GALK1: variants seen among roughly 807,000 people sequenced by gnomAD.
GALK1 encodes galactokinase 1.
A neutral mutation model predicts 38.6 loss-of-function variants in GALK1; 30 were observed. That is an observed-to-expected ratio of 0.78 (90% confidence interval 0.58 to 1.05). The LOEUF (loss-of-function observed/expected upper bound fraction) is 1.05. GALK1 is among the 50% of genes least tolerant of loss of function. The pLI is 0.00. For synonymous variants in GALK1, 240 were observed against 233.6 expected (o/e 1.03, Z -0.25); for missense variants, 512 against 540.5 (o/e 0.95, Z 0.52).
rs200350673 is a variant in GALK1, at chr17:75,762,986, G to A, written c.611+28C>T. On this transcript the variant is annotated intron_variant, in intron 4 of 7. Transcript: ENST00000588479. ...ACCCAGGAGCTGCTGAGTGCAGGGCGGGAGGGGACGAGGGGAGCGAGCCCA... is the reference window on the plus strand; with the variant it reads ...ACCCAGGAGCTGCTGAGTGCAGGGCAGGAGGGGACGAGGGGAGCGAGCCCA... 414 of 1,612,210 alleles carry A rather than the reference G, an allele frequency of 2.6e-4. 1 individual carries two copies. Among genetic ancestry groups the A allele is most frequent in the Middle Eastern group, 1.2e-3 (7 of 6,062 alleles).
At chr17:75,761,974 C>T (rs970382913) in intron 5 of GALK1, among the ~76,000 whole-genome samples, 2 of 151,912 alleles carry the variant, frequency 1.3e-5, no homozygotes, top group African/African-American at 2.4e-5. Context: ...GAGCTGAGAT[C>T]GCACCATTGC....
At chr17:75,758,739 C>T in intron 5 of GALK1, 140 bp from the exon 6 acceptor site, 1 of 1,022,466 alleles carries the variant, frequency 9.8e-7, no homozygotes, top group South Asian at 1.5e-5. Flanking sequence ...CAGCCTGGCT[C>T]TCTCAGACGT....
Position 75,758,471 on chromosome 17 carries a change from C to T in GALK1, c.922G>A (p.Val308Met), listed in dbSNP as rs891172004. ...GDYRAFGRLMVESHRSLRDDY... is the reference protein window; with the variant it reads ...GDYRAFGRLMMESHRSLRDDY... ...CACCTGAGTGAGCGGTGGCTCTCCACCATGAGGCGGCCAAAGGCTCTGTAG... is the reference window on the plus strand; with the variant it reads ...CACCTGAGTGAGCGGTGGCTCTCCATCATGAGGCGGCCAAAGGCTCTGTAG... The change falls in exon 6 of 8, where the codon GTG becomes ATG. Residue 308 changes from valine (V) to methionine (M), a missense_variant. By Grantham distance (21) the Val-to-Met change is conservative. Transcript: ENST00000588479. 1 of 1,575,814 alleles carries T rather than the reference C, an allele frequency of 6.3e-7. No individual in the cohort carries two copies. Among genetic ancestry groups the T allele is most frequent in the Non-Finnish European group, 8.6e-7 (1 of 1,162,688 alleles).
chr17:75,757,330 G>A, downstream of GALK1: 1 of 1,612,636 alleles, frequency 6.2e-7, no homozygotes, highest in South Asian at 1.1e-5. Flanking sequence ...GAGGGCTAGG[G>A]GATCCCGGCT....
At chr17:75,757,510 C>CG (rs747452810), downstream of GALK1, 58 of 1,613,336 alleles carry the variant, frequency 3.6e-5, 1 homozygote, top group South Asian at 3.8e-4. Context: ...TGACCACCAG[C>CG]GGAACCCTTA....
In GALK1 at chr17:75,763,897, C is replaced by T. The variant is rs889691143; in HGVS notation, c.355G>A (p.Ala119Thr). The T allele has an allele frequency of 1.2e-6, 2 of 1,613,764 alleles. No individual in the cohort carries two copies. Among genetic ancestry groups the T allele is most frequent in the Non-Finnish European group, 1.7e-6 (2 of 1,179,922 alleles). ...YVKGVIQYYP[A>T]APLPGFSAVV... ...CTTGGCTCAGGCCTGGGCCCCATAC[C>T]TGGGTAGTACTGAATCACTCCCTTG... The change falls in exon 2 of 8, where the codon GCT becomes ACT. Residue 119 changes from alanine (A) to threonine (T), a missense_variant and splice_region_variant. By Grantham distance (58) the Ala-to-Thr change is moderately conservative. Coordinates refer to ENST00000588479, the MANE Select transcript of GALK1 (RefSeq NM_000154.2).
downstream of GALK1, chr17:75,755,731 C>T (rs140575355): frequency 1.9e-4 from 307 of 1,612,898 alleles, no homozygotes; most frequent in African/African-American, 3.4e-3. Context: ...GTGCCCGACA[C>T]GCCCACCCGC....
At chr17:75,764,920 G>A (rs2061604173) in intron 1 of GALK1, 52 bp downstream of exon 1, 3 of 1,575,770 alleles carry the variant, frequency 1.9e-6, no homozygotes, top group Non-Finnish European at 2.6e-6. Flanking sequence ...CGCCCTCCTC[G>A]GCGGCCGGGA....
At chr17:75,754,573 C>T (rs886053415), downstream of GALK1, 3 of 1,613,586 alleles carry the variant, frequency 1.9e-6, no homozygotes, top group East Asian at 2.2e-5. Context: ...TCTCCCCCTG[C>T]AGAGCACCTG....
intron 5 of GALK1, among the ~76,000 whole-genome samples, chr17:75,762,021 CA>C (rs34797502): frequency 1.4e-5 from 2 of 145,778 alleles, no homozygotes; most frequent in African/African-American, 2.5e-5. Flanking sequence ...ACTCTGTGTC[CA>C]AAAAAAAAAC....
chr17:75,755,127 C>T (rs532450752), downstream of GALK1: 24 of 1,611,200 alleles, frequency 1.5e-5, no homozygotes, highest in East Asian at 5.1e-4. Flanking sequence ...CGGAGTCGGG[C>T]TCAGATGAAA....
At chr17:75,752,586 A>AGAC (rs1249399162) in intron 8 of GALK1, 1 of 1,613,276 alleles carries the variant, frequency 6.2e-7, no homozygotes, top group Non-Finnish European at 8.5e-7. Context: ...TGGTGAGTGG[A>AGAC]GACCTGGGAC....
downstream of GALK1, chr17:75,755,103 G>C: frequency 1.2e-6 from 2 of 1,605,794 alleles, no homozygotes; most frequent in Non-Finnish European, 1.7e-6. Flanking sequence ...CCGCTGTCCT[G>C]GGCCCTGGGG....
At chr17:75,764,758 C>A in intron 1 of GALK1, 1 of 634,972 alleles carries the variant, frequency 1.6e-6, no homozygotes. Flanking sequence ...AAGAGGCGGC[C>A]GCGCACCCTC....
In GALK1 at chr17:75,763,373, C is replaced by A; in HGVS notation, c.422G>T (p.Ser141Ile). The change falls in exon 3 of 8, where the codon AGC (serine) becomes ATC (isoleucine). Residue 141 changes from serine to isoleucine, a missense_variant. By Grantham distance (142) the Ser-to-Ile change is moderately radical. Coordinates refer to ENST00000588479, the MANE Select transcript of GALK1 (RefSeq NM_000154.2). ...SSVPLGGGLS[S>I]SASLEVATYT... ...CGTGGCCACTTCCAAGGATGCTGAGCTGGACAGGCCACCCCCCAGGGGCAC... is the reference window on the plus strand; with the variant it reads ...CGTGGCCACTTCCAAGGATGCTGAGATGGACAGGCCACCCCCCAGGGGCAC... 2 of 1,613,768 alleles carry A rather than the reference C, an allele frequency of 1.2e-6. No homozygotes were observed. Among genetic ancestry groups the A allele is most frequent in the Non-Finnish European group, 1.7e-6 (2 of 1,179,938 alleles).
downstream of GALK1, chr17:75,756,395 T>C: frequency 6.2e-7 from 1 of 1,610,512 alleles, no homozygotes; most frequent in Non-Finnish European, 8.5e-7. Flanking sequence ...GGAGTAACAC[T>C]GCACTACTGT....
At chr17:75,762,653 C>A in intron 5 of GALK1, 51 bp downstream of exon 5, 1 of 1,597,188 alleles carries the variant, frequency 6.3e-7, no homozygotes, top group Non-Finnish European at 8.6e-7. Context: ...CACTGAGGCG[C>A]CAGCAGGGAG....
downstream of GALK1, chr17:75,754,679 C>G: frequency 6.2e-7 from 1 of 1,614,016 alleles, no homozygotes; most frequent in African/African-American, 1.3e-5. Flanking sequence ...CCCACCTGAG[C>G]CCACACGTGC....
At chr17:75,764,484 C>T (rs576414945) in intron 1 of GALK1, 1 of 532,696 alleles carries the variant, frequency 1.9e-6, no homozygotes, top group South Asian at 1.4e-5. Flanking sequence ...GGAGTCCTCA[C>T]TCCCAAGTCG....
Sources: gnomAD v4.1 joint callset for allele counts (sites outside exome capture counted in the v4.1 genomes callset) on GRCh38, gnomAD v4.1.1 for gene constraint, MANE v1.5 for transcripts, NCBI Gene and HGNC (gene_info 2026-07-23, HGNC 2026-07-21) for gene names.